FAM227B: variants seen among roughly 807,000 people sequenced by gnomAD.
The protein encoded by FAM227B is protein FAM227B.
In FAM227B, 88 loss-of-function variants were observed where a neutral mutation model predicts 73.8. The ratio of observed to expected loss-of-function variants is 1.19; its 90% CI spans 1.00 to 1.42. FAM227B has a LOEUF of 1.42. Ranked by LOEUF, FAM227B falls within the 40% of genes most tolerant of loss-of-function variation. The pLI is 0.00. For missense variants in FAM227B, 632 were observed against 590.9 expected (o/e 1.07, Z -0.72); for synonymous variants, 210 against 190.5 (o/e 1.10, Z -0.84).
At chr15:49,383,815 C>T (rs2046697184) in intron 11 of FAM227B, among the ~76,000 whole-genome samples, 1 of 151,994 alleles carries the variant, frequency 6.6e-6, no homozygotes, top group Admixed American at 6.6e-5. Flanking sequence ...TATTTAAAGA[C>T]AAACAAAGAA....
chr15:49,552,634 T>A (rs1243775912), intron 9 of FAM227B, among the ~76,000 whole-genome samples: 4 of 152,192 alleles, frequency 2.6e-5, no homozygotes, highest in Non-Finnish European at 5.9e-5. Context: ...TTGAGGCTAT[T>A]TTCTAGATCC....
chr15:49,335,846 A>AT (rs1322588945), intron 13 of FAM227B, among the ~76,000 whole-genome samples: 2 of 152,026 alleles, frequency 1.3e-5, no homozygotes, highest in Non-Finnish European at 2.9e-5. Flanking sequence ...ACCAAAATTC[A>AT]TTTTTTTCTT....
At chr15:49,405,908 C>T (rs939446091) in intron 11 of FAM227B, among the ~76,000 whole-genome samples, 5 of 152,090 alleles carry the variant, frequency 3.3e-5, no homozygotes, top group Non-Finnish European at 5.9e-5. Context: ...AAGTGCTGAC[C>T]TTTGAATGGT....
At chr15:49,561,015 A>T (rs1395822697) in intron 9 of FAM227B, among the ~76,000 whole-genome samples, 1 of 152,180 alleles carries the variant, frequency 6.6e-6, no homozygotes, top group African/African-American at 2.4e-5. Flanking sequence ...ATAGAATCAA[A>T]ATCTCACATA....
intron 11 of FAM227B, among the ~76,000 whole-genome samples, chr15:49,411,327 G>A (rs940501000): frequency 6.6e-6 from 1 of 151,968 alleles, no homozygotes; most frequent in Admixed American, 6.6e-5. Flanking sequence ...AAGAAAAAAA[G>A]TCCCCTTTTA....
chr15:49,358,728 A>T (rs2043628929), intron 13 of FAM227B, among the ~76,000 whole-genome samples: 1 of 151,882 alleles, frequency 6.6e-6, no homozygotes, highest in African/African-American at 2.4e-5. Flanking sequence ...ACAGAATTGG[A>T]AAAAACTACT....
intron 11 of FAM227B, among the ~76,000 whole-genome samples, chr15:49,469,307 A>G (rs1368368174): frequency 6.6e-6 from 1 of 152,198 alleles, no homozygotes; most frequent in Non-Finnish European, 1.5e-5. Flanking sequence ...CTGTCTATAC[A>G]GAAAACTGCT....
intron 10 of FAM227B, among the ~76,000 whole-genome samples, chr15:49,516,818 G>A (rs1438905633): frequency 6.6e-6 from 1 of 152,064 alleles, no homozygotes; most frequent in Non-Finnish European, 1.5e-5. Context: ...CTAATTGGCT[G>A]ACCATAAAAT....
At chr15:49,530,167 G>T (rs186107929) in intron 10 of FAM227B, among the ~76,000 whole-genome samples, 1 of 151,336 alleles carries the variant, frequency 6.6e-6, no homozygotes, top group Non-Finnish European at 1.5e-5. Flanking sequence ...TTCCTATTAC[G>T]TATTTAGAAA....
At chr15:49,366,710 G>A in intron 13 of FAM227B, 4 of 1,261,296 alleles carry the variant, frequency 3.2e-6, no homozygotes, top group Non-Finnish European at 4.5e-6. Context: ...CGGGTGGGGT[G>A]GCGCGGCGCG....
intron 10 of FAM227B, among the ~76,000 whole-genome samples, chr15:49,532,853 T>C (rs970335102): frequency 3.3e-5 from 5 of 151,896 alleles, no homozygotes; most frequent in African/African-American, 1.2e-4. Context: ...CCAAAATATT[T>C]ACATTTATCT....
chr15:49,347,281 T>C (rs911650757), intron 13 of FAM227B, among the ~76,000 whole-genome samples: 5 of 152,192 alleles, frequency 3.3e-5, no homozygotes, highest in Admixed American at 2.6e-4. Flanking sequence ...AAGAAATTAG[T>C]AAGAATAAGA....
intron 11 of FAM227B, among the ~76,000 whole-genome samples, chr15:49,405,519 A>G (rs1419351338): frequency 6.6e-6 from 1 of 152,094 alleles, no homozygotes; most frequent in East Asian, 1.9e-4. Context: ...AAGCTCTGAG[A>G]TGCTTTCTTC....
At chr15:49,591,032 TTTTTTTTTTTTGA>T (rs2076511174) in intron 3 of FAM227B, among the ~76,000 whole-genome samples, 3 of 142,598 alleles carry the variant, frequency 2.1e-5, no homozygotes, top group African/African-American at 2.6e-5. Context: ...TTTTTTTGTT[TTTTTTTTTTTTGA>T]TTTTTTTTTT....
intron 13 of FAM227B, among the ~76,000 whole-genome samples, chr15:49,349,239 C>A (rs954092795): frequency 1.3e-5 from 2 of 152,082 alleles, no homozygotes; most frequent in African/African-American, 2.4e-5. Context: ...ACAATACTTA[C>A]AATACTCATA....
intron 11 of FAM227B, among the ~76,000 whole-genome samples, chr15:49,461,084 T>TA (rs1408751597): frequency 6.6e-6 from 1 of 152,164 alleles, no homozygotes; most frequent in Admixed American, 6.5e-5. Context: ...TATTTCCTTC[T>TA]AGTATGTTTC....
At chr15:49,515,918 A>G (rs1429665796) in intron 10 of FAM227B, among the ~76,000 whole-genome samples, 1 of 152,114 alleles carries the variant, frequency 6.6e-6, no homozygotes, top group Non-Finnish European at 1.5e-5. Context: ...GTTGCCCTGA[A>G]TCAGCTCAGT....
At chr15:49,609,280 G>A (rs1464694618) in intron 3 of FAM227B, among the ~76,000 whole-genome samples, 1 of 151,108 alleles carries the variant, frequency 6.6e-6, no homozygotes, top group East Asian at 1.9e-4. Context: ...AAAAACAATT[G>A]AAGATAAAAA....
intron 10 of FAM227B, among the ~76,000 whole-genome samples, chr15:49,517,871 A>G (rs1365498698): frequency 6.6e-6 from 1 of 152,202 alleles, no homozygotes; most frequent in Non-Finnish European, 1.5e-5. Flanking sequence ...CTTTATATAA[A>G]TAGACTCATA....
Sources: gnomAD v4.1 joint callset for allele counts (sites outside exome capture counted in the v4.1 genomes callset) on GRCh38, gnomAD v4.1.1 for gene constraint, MANE v1.5 for transcripts, NCBI Gene and HGNC (gene_info 2026-07-23, HGNC 2026-07-21) for gene names.